LARGE1: variants seen among roughly 807,000 people sequenced by gnomAD.
LARGE1 encodes xylosyl- and glucuronyltransferase LARGE1.
In LARGE1, 43 loss-of-function variants were observed where a neutral mutation model predicts 87.6. The ratio of observed to expected loss-of-function variants is 0.49; its 90% CI spans 0.38 to 0.63. LARGE1 has a LOEUF of 0.63. Among genes scored for constraint, LARGE1 ranks in the 30% least tolerant of loss-of-function variants. The pLI is 0.00. For missense variants in LARGE1, 802 were observed against 1,000.2 expected, an observed-to-expected ratio of 0.80 and a Z score of 2.67; for synonymous variants, 434 against 394.6, an observed-to-expected ratio of 1.10 and a Z score of -1.18.
intron 7 of LARGE1, among the ~76,000 whole-genome samples, chr22:33,395,145 T>C (rs1807700): frequency 0.34 from 50,533 of 149,182 alleles, 9,685 homozygotes; most frequent in African/African-American, 0.53. Flanking sequence ...AGGAGAATGG[T>C]GTGAACCCCG....
intron 6 of LARGE1, among the ~76,000 whole-genome samples, chr22:33,444,578 G>C (rs1347238446): frequency 4.6e-5 from 7 of 152,132 alleles, no homozygotes; most frequent in South Asian, 2.1e-4. Flanking sequence ...AGATTATAAA[G>C]ATGTAGTAAT....
intron 4 of LARGE1, among the ~76,000 whole-genome samples, chr22:33,621,409 T>G (rs746246124): frequency 6.6e-6 from 1 of 150,754 alleles, no homozygotes. Context: ...TTTTACTATC[T>G]TTTGAAATAT....
intron 11 of LARGE1, among the ~76,000 whole-genome samples, chr22:33,210,278 C>A (rs1924891626): frequency 1.3e-5 from 2 of 152,242 alleles, no homozygotes; most frequent in Non-Finnish European, 2.9e-5. Context: ...CTTTGCCCTC[C>A]ACAGAGCATG....
At chr22:33,785,185 A>G (rs2145932817) in intron 1 of LARGE1, among the ~76,000 whole-genome samples, 1 of 150,506 alleles carries the variant, frequency 6.6e-6, no homozygotes, top group Admixed American at 6.6e-5. Context: ...ATATGTGTAT[A>G]TACATATATG....
At chr22:33,405,865 G>C (rs116541140) in intron 7 of LARGE1, among the ~76,000 whole-genome samples, 3 of 152,044 alleles carry the variant, frequency 2.0e-5, no homozygotes, top group African/African-American at 7.3e-5. Context: ...TGTGAAGATC[G>C]ATAGTCCCTG....
intron 3 of LARGE1, among the ~76,000 whole-genome samples, chr22:33,630,829 T>C (rs1028449275): frequency 1.4e-5 from 2 of 147,770 alleles, no homozygotes; most frequent in African/African-American, 5.4e-5. Flanking sequence ...TTTTTTACTT[T>C]ACAAATTTAA....
intron 1 of LARGE1, among the ~76,000 whole-genome samples, chr22:33,800,410 T>C (rs1450298328): frequency 6.6e-6 from 1 of 152,208 alleles, no homozygotes; most frequent in African/African-American, 2.4e-5. Flanking sequence ...TATTAGTTCT[T>C]GCATACATTC....
intron 11 of LARGE1, among the ~76,000 whole-genome samples, chr22:33,226,913 TAGAGA>T (rs1277140146): frequency 1.3e-5 from 2 of 152,056 alleles, no homozygotes; most frequent in Non-Finnish European, 2.9e-5. Context: ...GTATTTTTAG[TAGAGA>T]CGGGGTTTCA....
At chr22:33,841,139 C>T (rs781077838) in intron 1 of LARGE1, among the ~76,000 whole-genome samples, 6 of 152,146 alleles carry the variant, frequency 3.9e-5, no homozygotes, top group African/African-American at 9.7e-5. Context: ...ATGTATTAAA[C>T]GCAAATTTTG....
chr22:33,089,374 T>TCTTCTC, the LARGE1 span, among the ~76,000 whole-genome samples: 2 of 131,360 alleles, frequency 1.5e-5, no homozygotes, highest in African/African-American at 2.8e-5. Context: ...TTCTTCTCCT[T>TCTTCTC]CTTCTTCTTC....
intron 6 of LARGE1, among the ~76,000 whole-genome samples, chr22:33,508,637 C>T (rs188069530): frequency 2.3e-4 from 35 of 152,268 alleles, no homozygotes; most frequent in African/African-American, 5.1e-4. Context: ...AAAGTTACAA[C>T]GTACATCCAT....
At chr22:33,293,256 T>C (rs1222209833) in intron 12 of LARGE1, among the ~76,000 whole-genome samples, 1 of 152,240 alleles carries the variant, frequency 6.6e-6, no homozygotes, top group Non-Finnish European at 1.5e-5. Flanking sequence ...TGATAAATTA[T>C]AATAAATGCT....
intron 11 of LARGE1, among the ~76,000 whole-genome samples, chr22:33,225,499 T>G (rs1255367303): frequency 6.6e-6 from 1 of 152,230 alleles, no homozygotes; most frequent in African/African-American, 2.4e-5. Flanking sequence ...TCCTACAGCT[T>G]GCTGGAAGGC....
chr22:33,328,840 C>T (rs560075087), intron 10 of LARGE1, among the ~76,000 whole-genome samples: 30 of 152,138 alleles, frequency 2.0e-4, no homozygotes, highest in African/African-American at 5.1e-4. Flanking sequence ...TTTCTAATCA[C>T]GGCCCCAGCA....
chr22:33,728,044 C>T (rs1249888761), intron 2 of LARGE1, among the ~76,000 whole-genome samples: 7 of 152,092 alleles, frequency 4.6e-5, no homozygotes, highest in African/African-American at 1.7e-4. Context: ...GAGAGAAAAC[C>T]CAAGTCTGAT....
At chr22:33,641,472 C>T (rs1279417444) in intron 3 of LARGE1, among the ~76,000 whole-genome samples, 1 of 152,110 alleles carries the variant, frequency 6.6e-6, no homozygotes, top group African/African-American at 2.4e-5. Flanking sequence ...AATGCCTCTT[C>T]TCCCCCAAAT....
the LARGE1 span, among the ~76,000 whole-genome samples, chr22:33,152,461 A>G: frequency 6.6e-6 from 1 of 152,226 alleles, no homozygotes; most frequent in Non-Finnish European, 1.5e-5. Context: ...CCAAAACGCT[A>G]GCTCACATTG....
intron 1 of LARGE1, among the ~76,000 whole-genome samples, chr22:33,914,347 G>A (rs1413619407): frequency 1.3e-5 from 2 of 152,180 alleles, no homozygotes; most frequent in Non-Finnish European, 2.9e-5. Flanking sequence ...TCCCGTTCAG[G>A]CCAAATGAAT....
At position 33,305,838 on chromosome 22, in the gene LARGE1, C is replaced by CTTTTTTTTT. The variant is rs200366425; in HGVS notation, c.1452-1332_1452-1331insAAAAAAAAA. Reference sequence around the variant, plus strand: ...AAATTGACCAGAAACATTTCTTTTTCTTTTTCTTTTTTTTTTTTTTGAGGC... The same window carrying CTTTTTTTTT: ...AAATTGACCAGAAACATTTCTTTTTCTTTTTTTTTTTTTTCTTTTTTTTTTTTTTGAGGC... On this transcript the variant is annotated intron_variant, in intron 11 of 14. Transcript: ENST00000397394. 1.6e-3 allele frequency among the ~76,000 whole-genome samples: 201 copies of CTTTTTTTTT among 126,436 alleles called. 2 individuals carry two copies. The highest frequency in any genetic ancestry group is 4.8e-3 in the African/African-American group (149 of 30,896). The allele number at this position is 126,436 out of a possible 152,430, so 82.9% of individuals were successfully genotyped here. A position where few individuals can be genotyped will look rare whatever the true frequency, so the allele number is the denominator to read the frequency against.
Sources: allele counts gnomAD v4.1 joint callset (sites outside exome capture counted in the v4.1 genomes callset), GRCh38; gene constraint gnomAD v4.1.1; transcripts MANE v1.5; gene names NCBI Gene and HGNC (gene_info 2026-07-23, HGNC 2026-07-21).